SFXN5: variants seen among roughly 807,000 people sequenced by gnomAD.
The protein encoded by SFXN5 is sideroflexin 5.
In SFXN5, 43 loss-of-function variants were observed where a neutral mutation model predicts 50.2. The ratio of observed to expected loss-of-function variants is 0.86; its 90% CI spans 0.67 to 1.11. The LOEUF is 1.11. Ranked by LOEUF, SFXN5 falls within the 50% of genes least tolerant of loss-of-function variation. The pLI, the probability that SFXN5 is intolerant of heterozygous loss-of-function variation, is 0.00. For missense variants in SFXN5, 463 were observed against 454.1 expected (o/e 1.02, Z -0.18); for synonymous variants, 203 against 185.8 (o/e 1.09, Z -0.75).
At chr2:72,957,192 C>T in intron 13 of SFXN5, 1 of 418,358 alleles carries the variant, frequency 2.4e-6, no homozygotes. Flanking sequence ...CTCCCCAGAG[C>T]CATCTGACTG....
rs1479482873 is a variant in SFXN5, at chr2:73,058,608, G to A, written c.103-12C>T. On this transcript the variant is annotated splice_polypyrimidine_tract_variant and intron_variant, in intron 1 of 13. Transcript: ENST00000272433. ...CCATAGAAGGACGTCTGAAGAAGAG[G>A]ATGAGAGAGAAGAGTGAATGGATCA... The A allele has an allele frequency of 6.2e-7, 1 of 1,613,276 alleles. No homozygotes were observed. The highest frequency in any genetic ancestry group is 2.2e-5 in the East Asian group (1 of 44,884).
intron 12 of SFXN5, among the ~76,000 whole-genome samples, chr2:72,962,183 G>A (rs932749034): frequency 6.6e-6 from 1 of 152,232 alleles, no homozygotes; most frequent in African/African-American, 2.4e-5. Context: ...TATTTGCCAG[G>A]GGGTGTTGGG....
At position 73,007,229 on chromosome 2, in the gene SFXN5, C is replaced by T. The variant is rs191704038; in HGVS notation, c.358-5651G>A. ...TTGGCCACCTCCCATACAAAACTGA[C>T]TCAAACTACAGGAGAAAGGTTTTTT... is the stretch of plus-strand genomic sequence containing the variant. On this transcript the variant is annotated intron_variant, in intron 6 of 13. Transcript: ENST00000272433. 7.6e-4 allele frequency among the ~76,000 whole-genome samples: 116 copies of T among 152,206 alleles called. 1 individual carries two copies. Among genetic ancestry groups the T allele is most frequent in the Non-Finnish European group, 4.0e-4 (27 of 68,012 alleles).
chr2:72,971,756 C>T (rs894053170), intron 10 of SFXN5, 71 bp from the exon 11 acceptor site: 6 of 1,155,588 alleles, frequency 5.2e-6, no homozygotes, highest in East Asian at 4.8e-5. Context: ...GAGGTCACTA[C>T]ACTCCTTCCT....
intron 11 of SFXN5, among the ~76,000 whole-genome samples, chr2:72,968,964 G>A (rs1225013756): frequency 6.6e-6 from 1 of 151,868 alleles, no homozygotes; most frequent in East Asian, 2.0e-4. Flanking sequence ...CACCATACCT[G>A]GCTAATTTTT....
At chr2:72,959,175 A>G (rs1673432250) in intron 13 of SFXN5, among the ~76,000 whole-genome samples, 1 of 152,182 alleles carries the variant, frequency 6.6e-6, no homozygotes, top group Non-Finnish European at 1.5e-5. Flanking sequence ...TTCTGGCCAC[A>G]GCCCTCGCCT....
intron 10 of SFXN5, among the ~76,000 whole-genome samples, chr2:72,976,168 C>T (rs1207175666): frequency 6.6e-6 from 1 of 152,116 alleles, no homozygotes; most frequent in Non-Finnish European, 1.5e-5. Flanking sequence ...GAGTGGTCTG[C>T]TTGGGGAAAG....
At chr2:73,008,113 C>T (rs922477130) in intron 6 of SFXN5, among the ~76,000 whole-genome samples, 1 of 152,150 alleles carries the variant, frequency 6.6e-6, no homozygotes, top group African/African-American at 2.4e-5. Flanking sequence ...GATGAAGTGG[C>T]CGACACCAGC....
intron 6 of SFXN5, among the ~76,000 whole-genome samples, chr2:73,014,322 T>TTTGTCCTTTTTCTCCA (rs1407976481): frequency 6.6e-6 from 1 of 152,166 alleles, no homozygotes; most frequent in African/African-American, 2.4e-5. Context: ...TATTAGATGG[T>TTTGTCCTTTTTCTCCA]TTGTCCTTTT....
intron 4 of SFXN5, 128 bp from the exon 5 acceptor site, chr2:73,022,704 T>C: frequency 1.5e-6 from 1 of 688,392 alleles, no homozygotes; most frequent in South Asian, 1.7e-5. Context: ...ACAACTTCTC[T>C]GGGAAGATTC....
intron 2 of SFXN5, among the ~76,000 whole-genome samples, chr2:73,046,147 G>A (rs1365000461): frequency 1.3e-5 from 2 of 152,106 alleles, no homozygotes; most frequent in African/African-American, 4.8e-5. Flanking sequence ...AGCAGCTCAC[G>A]CCTGTAATCC....
chr2:72,966,601 G>T (rs1186596233), intron 12 of SFXN5, among the ~76,000 whole-genome samples: 1 of 152,158 alleles, frequency 6.6e-6, no homozygotes, highest in African/African-American at 2.4e-5. Context: ...GTGAGAGAGG[G>T]CTCACCTCAG....
At chr2:73,068,918 G>A (rs1356418138) in intron 1 of SFXN5, among the ~76,000 whole-genome samples, 2 of 151,836 alleles carry the variant, frequency 1.3e-5, no homozygotes, top group East Asian at 3.9e-4. Flanking sequence ...AACAAGAGTT[G>A]GGGGTAGAGG....
chr2:73,047,847 C>G (rs1480142661), intron 2 of SFXN5, among the ~76,000 whole-genome samples: 1 of 152,120 alleles, frequency 6.6e-6, no homozygotes, highest in Non-Finnish European at 1.5e-5. Flanking sequence ...CTGGATATTC[C>G]TCTTCTAGAA....
intron 2 of SFXN5, among the ~76,000 whole-genome samples, chr2:73,044,338 G>A (rs1196725037): frequency 6.6e-6 from 1 of 152,244 alleles, no homozygotes; most frequent in African/African-American, 2.4e-5. Flanking sequence ...AGAGCTACAG[G>A]CTGGCCTTGG....
At chr2:73,055,179 T>A (rs1278298865) in intron 2 of SFXN5, among the ~76,000 whole-genome samples, 1 of 152,270 alleles carries the variant, frequency 6.6e-6, no homozygotes, top group African/African-American at 2.4e-5. Context: ...AGATGTGCAG[T>A]GAAGTGCTGC....
intron 6 of SFXN5, among the ~76,000 whole-genome samples, chr2:73,017,019 T>C (rs1349749933): frequency 1.3e-5 from 2 of 152,192 alleles, no homozygotes; most frequent in Non-Finnish European, 2.9e-5. Context: ...CACATTTCTC[T>C]AGCCTAGGAA....
In SFXN5 at chr2:72,961,119, C is replaced by G; in HGVS notation, c.945+12G>C. On this transcript the variant is annotated intron_variant, in intron 13 of 13. Transcript: ENST00000272433. The surrounding 1 kb of genome is among the most constrained non-coding windows in gnomAD (Gnocchi z 4.4). ...CCTGCCCTGCCCTGCCCTTGAGCCCCTCCCCACTGACCTCTGACATTTGCG... is the reference window on the plus strand; with the variant it reads ...CCTGCCCTGCCCTGCCCTTGAGCCCGTCCCCACTGACCTCTGACATTTGCG... The G allele has an allele frequency of 6.4e-7, 1 of 1,565,508 alleles. No homozygotes were observed. The highest frequency in any genetic ancestry group is 1.9e-5 in the Admixed American group (1 of 53,918).
intron 6 of SFXN5, among the ~76,000 whole-genome samples, chr2:73,005,096 G>A (rs1054693967): frequency 1.3e-5 from 2 of 152,164 alleles, no homozygotes; most frequent in African/African-American, 4.8e-5. Context: ...CCACGCAGAC[G>A]GGTGGAGAGC....
Sources: gnomAD v4.1 joint callset for allele counts (sites outside exome capture counted in the v4.1 genomes callset) on GRCh38, gnomAD v4.1.1 for gene constraint, Gnocchi (gnomAD v3.1) non-coding constraint, MANE v1.5 for transcripts, NCBI Gene and HGNC (gene_info 2026-07-23, HGNC 2026-07-21) for gene names.